Variants in CDH18 observed in about 807,000 individuals in gnomAD.
CDH18 encodes the protein cadherin 18.
Under a neutral mutation model 67.9 loss-of-function variants are expected in CDH18, and 31 were observed. The observed-to-expected ratio is 0.46, with a 90% CI of 0.34 to 0.62. The LOEUF (loss-of-function observed/expected upper bound fraction) is 0.62. CDH18 is among the 20% of genes least tolerant of loss of function. The probability of loss-of-function intolerance (pLI) is 0.01; values close to 1 mark genes in which losing one functional copy is unlikely to be tolerated. For synonymous variants in CDH18, 362 were observed against 347.2 expected (o/e 1.04, Z -0.48); for missense variants, 890 against 975.5 (o/e 0.91, Z 1.17).
intron 1 of CDH18, among the ~76,000 whole-genome samples, chr5:20,544,840 C>T (rs1310266674): frequency 6.6e-6 from 1 of 152,176 alleles, no homozygotes; most frequent in Non-Finnish European, 1.5e-5. Context: ...TCCCAACAGT[C>T]ACCCAAAGAC....
chr5:19,994,735 AT>A (rs1462819191), intron 2 of CDH18, among the ~76,000 whole-genome samples: 1 of 8,936 alleles, frequency 1.1e-4, no homozygotes, highest in African/African-American at 4.9e-4. Flanking sequence ...ATATATATAT[AT>A]ATAGAGAGAG....
intron 3 of CDH18, among the ~76,000 whole-genome samples, chr5:19,823,412 T>C (rs2149958440): frequency 6.6e-6 from 1 of 152,262 alleles, no homozygotes; most frequent in African/African-American, 2.4e-5. Context: ...AAGTATTAAT[T>C]TGGGAAACTA....
chr5:20,052,535 T>A (rs554145878), intron 2 of CDH18, among the ~76,000 whole-genome samples: 1 of 152,126 alleles, frequency 6.6e-6, no homozygotes, highest in Non-Finnish European at 1.5e-5. Flanking sequence ...ATTCATGGAC[T>A]GAGTCTATAA....
chr5:20,205,229 G>A (rs920452314), intron 2 of CDH18, among the ~76,000 whole-genome samples: 2 of 151,670 alleles, frequency 1.3e-5, no homozygotes, highest in African/African-American at 4.8e-5. Flanking sequence ...TGAGCAGGAG[G>A]AACTATACAC....
At chr5:19,579,102 C>T (rs114077771) in intron 7 of CDH18, among the ~76,000 whole-genome samples, 1,801 of 152,036 alleles carry the variant, frequency 0.012, 34 homozygotes, top group African/African-American at 0.041. Flanking sequence ...TTATTAATTA[C>T]ATTATTTGAT....
At chr5:20,077,859 C>T (rs1744084417) in intron 2 of CDH18, among the ~76,000 whole-genome samples, 1 of 152,082 alleles carries the variant, frequency 6.6e-6, no homozygotes, top group African/African-American at 2.4e-5. Context: ...CAAAAACTTT[C>T]ACTACAATGT....
chr5:20,472,695 A>C (rs1752174415), intron 1 of CDH18, among the ~76,000 whole-genome samples: 1 of 152,226 alleles, frequency 6.6e-6, no homozygotes, highest in Non-Finnish European at 1.5e-5. Context: ...TATGTATTCA[A>C]CAGCGTGCTA....
chr5:19,958,946 C>T (rs776967972), intron 2 of CDH18, among the ~76,000 whole-genome samples: 6 of 152,048 alleles, frequency 3.9e-5, no homozygotes, highest in Non-Finnish European at 8.8e-5. Flanking sequence ...CACTGCCATA[C>T]CATCTTCTGC....
chr5:20,064,386 T>C (rs79461977), intron 2 of CDH18, among the ~76,000 whole-genome samples: 1,754 of 152,300 alleles, frequency 0.012, 39 homozygotes, highest in African/African-American at 0.04. Context: ...CTCGTCACTG[T>C]GATTTATCTT....
At chr5:20,525,584 C>G (rs1382871543) in intron 1 of CDH18, among the ~76,000 whole-genome samples, 1 of 152,036 alleles carries the variant, frequency 6.6e-6, no homozygotes, top group Non-Finnish European at 1.5e-5. Context: ...AGCTTACTAG[C>G]CAGGAGATGA....
intron 2 of CDH18, among the ~76,000 whole-genome samples, chr5:20,184,003 C>T (rs1464752106): frequency 6.6e-6 from 1 of 151,984 alleles, no homozygotes; most frequent in Non-Finnish European, 1.5e-5. Flanking sequence ...CATTTTCTTG[C>T]TTGAGTGACA....
At chr5:19,642,963 C>T (rs1024050294) in intron 5 of CDH18, among the ~76,000 whole-genome samples, 1 of 151,636 alleles carries the variant, frequency 6.6e-6, no homozygotes, top group African/African-American at 2.4e-5. Context: ...GAACTCACAC[C>T]TAAATAGCAA....
intron 1 of CDH18, among the ~76,000 whole-genome samples, chr5:20,522,488 A>AC (rs1755807300): frequency 6.6e-6 from 1 of 152,196 alleles, no homozygotes; most frequent in Admixed American, 6.6e-5. Flanking sequence ...CTGCACCTGA[A>AC]TATATTTCTT....
intron 8 of CDH18, among the ~76,000 whole-genome samples, chr5:19,548,432 C>T (rs1736717234): frequency 6.6e-6 from 1 of 151,820 alleles, no homozygotes; most frequent in African/African-American, 2.4e-5. Context: ...TTAATATAAA[C>T]CTTTGAGTAT....
chr5:19,921,259 T>TGC (rs1792422480), intron 2 of CDH18, among the ~76,000 whole-genome samples: 3 of 151,960 alleles, frequency 2.0e-5, no homozygotes, highest in South Asian at 2.1e-4. Flanking sequence ...AGGCCGGGCA[T>TGC]AGTGGCTCAC....
chr5:19,994,420 A>T lies in CDH18; in HGVS notation c.-517-2406T>A, dbSNP rs189376092. ...AATGTTGTTAATAACTTTCTCTATC[A>T]TTGAACATTAATGTCATCCCAAGTT... On this transcript the variant is annotated intron_variant, in intron 2 of 14. Transcript: ENST00000507958. Among the ~76,000 whole-genome samples, 288 of 151,270 alleles carry T rather than the reference A, an allele frequency of 1.9e-3. 2 individuals carry two copies. Among genetic ancestry groups the T allele is most frequent in the African/African-American group, 6.6e-3 (271 of 41,332 alleles).
chr5:19,582,838 T>C (rs1320929913), intron 7 of CDH18, among the ~76,000 whole-genome samples: 2 of 151,916 alleles, frequency 1.3e-5, no homozygotes, highest in Admixed American at 6.6e-5. Flanking sequence ...TCGATCCTTA[T>C]TGTGTTACTA....
At chr5:19,926,747 A>G (rs1793135539) in intron 2 of CDH18, among the ~76,000 whole-genome samples, 1 of 152,124 alleles carries the variant, frequency 6.6e-6, no homozygotes, top group Non-Finnish European at 1.5e-5. Flanking sequence ...CCAAATACAA[A>G]TCAGTGTATC....
chr5:19,473,033 T>C lies in CDH18; in HGVS notation c.*193A>G. The C allele has an allele frequency of 5.9e-6, 2 of 339,230 alleles. No homozygotes were observed. The highest frequency in any genetic ancestry group is 5.2e-5 in the East Asian group (1 of 19,078). 21.0% of individuals were successfully genotyped at this position (339,230 alleles called of 1,614,324 possible). ...AATAACTTTTTCTTTGTATTGTCTT[T>C]TTTTTTTTTTTTTTACTTTCTTCCA... On this transcript the variant is annotated 3_prime_UTR_variant, in exon 13 of 13. Transcript: ENST00000382275.
Sources: gnomAD v4.1 joint callset for allele counts (sites outside exome capture counted in the v4.1 genomes callset) on GRCh38, gnomAD v4.1.1 for gene constraint, MANE v1.5 for transcripts, NCBI Gene and HGNC (gene_info 2026-07-23, HGNC 2026-07-21) for gene names.